PCMTD2: variants seen among roughly 807,000 people sequenced by gnomAD.
The protein encoded by PCMTD2 is protein-L-isoaspartate O-methyltransferase domain-containing protein 2.
Under a neutral mutation model 33.4 loss-of-function variants are expected in PCMTD2, and 16 were observed. That is an observed-to-expected ratio of 0.48 (90% CI 0.32 to 0.73). PCMTD2 has a LOEUF of 0.73. Ranked by LOEUF, PCMTD2 falls within the 30% of genes least tolerant of loss-of-function variation. The pLI, the probability that PCMTD2 is intolerant of heterozygous loss-of-function variation, is 0.03. For synonymous variants in PCMTD2, 161 were observed against 160.8 expected, an observed-to-expected ratio of 1.00 and a Z score of -0.01; for missense variants, 374 against 449.9, an observed-to-expected ratio of 0.83 and a Z score of 1.53.
Position 64,265,288 on chromosome 20 carries a change from T to A in PCMTD2, c.441T>A (p.Thr147=). ...KFDFCEPSFV[T]GNCLEISPDC... is the part of the protein sequence containing the mutation. ...ACTTCTGTGAACCTTCCTTTGTTAC[T>A]GGGAATTGCCTGGAGATTTCTCCGG... The change falls in exon 4 of 6, where the codon ACT becomes ACA. Residue 147 remains threonine, a synonymous_variant. Coordinates refer to ENST00000308824, the MANE Select transcript of PCMTD2 (RefSeq NM_018257.3). The A allele has an allele frequency of 6.2e-7, 1 of 1,604,386 alleles. No homozygotes were observed. The highest frequency in any genetic ancestry group is 8.5e-7 in the Non-Finnish European group (1 of 1,177,412).
At chr20:64,263,805 C>G (rs959507519) in intron 2 of PCMTD2, among the ~76,000 whole-genome samples, 4 of 152,146 alleles carry the variant, frequency 2.6e-5, no homozygotes, top group African/African-American at 9.7e-5. Flanking sequence ...CCGATTTTTA[C>G]CTTCATGTAA....
In PCMTD2 at chr20:64,273,523, T is replaced by C; in HGVS notation, c.1009T>C (p.Phe337Leu). Residue 337 changes from phenylalanine to leucine, a missense_variant, in exon 6 of 6, where the codon TTC becomes CTC. Transcript: ENST00000308824. The part of the protein sequence containing the change: ...PETKPDPPVN[F>L]LRQKVLSLPL... ...AACAAAGCCAGACCCCCCAGTGAAC[T>C]TCCTACGCCAGAAGGTCCTGAGCCT... 1 of 1,581,440 alleles carries C rather than the reference T, an allele frequency of 6.3e-7. No homozygotes were observed. Among genetic ancestry groups the C allele is most frequent in the South Asian group, 1.2e-5 (1 of 85,088 alleles).
Position 64,260,021 on chromosome 20 carries a change from A to G in PCMTD2, c.56A>G (p.Lys19Arg). The change falls in exon 2 of 6, where the codon AAA (lysine) becomes AGA (arginine). Residue 19 changes from lysine (K) to arginine (R), a missense_variant. Transcript: ENST00000308824. ...AATGATGAGCTGATAGATAATTTGAAAGAAGCACAGTATATCCGGACTGAG... is the reference window on the plus strand; with the variant it reads ...AATGATGAGCTGATAGATAATTTGAGAGAAGCACAGTATATCCGGACTGAG... Reference protein sequence around the residue: ...EDNDELIDNLKEAQYIRTELV... With the variant: ...EDNDELIDNLREAQYIRTELV... 1 of 1,613,218 alleles carries G rather than the reference A, an allele frequency of 6.2e-7. No homozygotes were observed. The highest frequency in any genetic ancestry group is 2.2e-5 in the East Asian group (1 of 44,892).
chr20:64,264,698 T>C (rs1380431385), intron 3 of PCMTD2, among the ~76,000 whole-genome samples, 167 bp downstream of exon 3: 2 of 152,262 alleles, frequency 1.3e-5, no homozygotes, highest in African/African-American at 2.4e-5. Context: ...TTGAGGGTTT[T>C]AGGGTATTTC....
In PCMTD2 at chr20:64,274,229, A is replaced by T. The variant is rs1176419357; in HGVS notation, c.*629A>T. 1 of 152,082 alleles carries T rather than the reference A, an allele frequency of 6.6e-6. No individual in the cohort carries two copies. The highest frequency in any genetic ancestry group is 6.5e-5 in the Admixed American group (1 of 15,286). The allele number at this position is 152,082 out of a possible 1,614,324, so 9.4% of individuals were successfully genotyped here. A position where few individuals can be genotyped will look rare whatever the true frequency, so the allele number is the denominator to read the frequency against. On this transcript the variant is annotated 3_prime_UTR_variant, in exon 6 of 6. Transcript: ENST00000308824. ...TGCCAGTTGTAATTTTTCAAAGGAAAAATTTTGATGGGGTGGAGGAATGAA... is the reference window on the plus strand; with the variant it reads ...TGCCAGTTGTAATTTTTCAAAGGAATAATTTTGATGGGGTGGAGGAATGAA...
At chr20:64,265,981 A>G (rs935932775) in intron 4 of PCMTD2, among the ~76,000 whole-genome samples, 6 of 152,242 alleles carry the variant, frequency 3.9e-5, no homozygotes, top group African/African-American at 9.6e-5. Context: ...GAACAGATTA[A>G]TCAGACATGA....
chr20:64,258,075 G>A (rs1985245412), intron 1 of PCMTD2, among the ~76,000 whole-genome samples: 1 of 152,248 alleles, frequency 6.6e-6, no homozygotes, highest in South Asian at 2.1e-4. Flanking sequence ...ACCTTCTAGA[G>A]ATGTGGCATT....
intron 5 of PCMTD2, 81 bp downstream of exon 5, chr20:64,268,091 A>G (rs752763435): frequency 2.2e-5 from 27 of 1,209,518 alleles, no homozygotes; most frequent in African/African-American, 1.2e-4. Context: ...AAAATTTACA[A>G]CAAACCTTTT....
intron 5 of PCMTD2, among the ~76,000 whole-genome samples, chr20:64,270,567 G>C (rs1373852168): frequency 6.6e-6 from 1 of 152,124 alleles, no homozygotes; most frequent in Admixed American, 6.5e-5. Flanking sequence ...GATCGTGTGA[G>C]TGAAGATATG....
chr20:64,273,706 AG>A lies in PCMTD2; in HGVS notation c.*109del. 1 of 937,022 alleles carries A rather than the reference AG, an allele frequency of 1.1e-6. No homozygotes were observed. The allele number at this position is 937,022 out of a possible 1,614,324, so 58.0% of individuals were successfully genotyped here. ...CACCTGGAGGCAGACGTTGTGGGGAAGGGAACTGCTGGGCTCATCCACACCA... is the reference window on the plus strand; with the variant it reads ...CACCTGGAGGCAGACGTTGTGGGGAAGGAACTGCTGGGCTCATCCACACCA... On this transcript the variant is annotated 3_prime_UTR_variant, in exon 6 of 6. Coordinates refer to ENST00000308824, the MANE Select transcript of PCMTD2 (RefSeq NM_018257.3).
In PCMTD2 at chr20:64,265,396, G is replaced by T; in HGVS notation, c.549G>T (p.Val183=). The change falls in exon 4 of 6, where the codon GTG becomes GTT. Residue 183 remains valine (V), a synonymous_variant. Coordinates refer to ENST00000308824, the MANE Select transcript of PCMTD2 (RefSeq NM_018257.3). ...AGTACATGAAGAATCTTCTCAAAGT[G>T]GGAGGGATCCTTGTCATGCCACTGG... ...HEEYMKNLLK[V]GGILVMPLEE... The T allele has an allele frequency of 6.2e-7, 1 of 1,613,060 alleles. No individual in the cohort carries two copies.
chr20:64,269,906 T>G (rs1234438727), intron 5 of PCMTD2, among the ~76,000 whole-genome samples: 1 of 127,296 alleles, frequency 7.9e-6, no homozygotes, highest in African/African-American at 3.1e-5. Context: ...CGGGCATGCA[T>G]GGTGTGTGGT....
chr20:64,272,819 C>T (rs1303721033), intron 5 of PCMTD2, among the ~76,000 whole-genome samples: 1 of 151,748 alleles, frequency 6.6e-6, no homozygotes, highest in Non-Finnish European at 1.5e-5. Flanking sequence ...GACTCTGTCT[C>T]CAAAAAAAGA....
chr20:64,265,715 C>T, intron 4 of PCMTD2: 1 of 323,560 alleles, frequency 3.1e-6, no homozygotes, highest in East Asian at 5.0e-5. Flanking sequence ...CTCCCTCTTC[C>T]TTCCCCTTCT....
At chr20:64,272,517 T>C (rs1395540928) in intron 5 of PCMTD2, among the ~76,000 whole-genome samples, 3 of 152,174 alleles carry the variant, frequency 2.0e-5, no homozygotes, top group Non-Finnish European at 4.4e-5. Flanking sequence ...ATGAAAATAT[T>C]AACAGATAAA....
rs945191510 is a variant in PCMTD2 at position 64,274,763 on chromosome 20, G to A, written c.*1163G>A. ...GATATCAGCCTTCTCTGGGCCTTGT[G>A]TGTGGAGAGCTTTCTATCTTACCAA... On this transcript the variant is annotated 3_prime_UTR_variant, in exon 6 of 6. Coordinates refer to ENST00000308824, the MANE Select transcript of PCMTD2 (RefSeq NM_018257.3). 6.6e-6 allele frequency: 1 copy of A among 152,248 alleles called. No individual in the cohort carries two copies. The allele number at this position is 152,248 out of a possible 1,614,324, so 9.4% of individuals were successfully genotyped here. A position where few individuals can be genotyped will look rare whatever the true frequency, so the allele number is the denominator to read the frequency against.
At chr20:64,266,281 A>G (rs6011376) in intron 4 of PCMTD2, among the ~76,000 whole-genome samples, 101,303 of 151,890 alleles carry the variant, frequency 0.67, 36,398 homozygotes, top group African/African-American at 0.92. Flanking sequence ...ATTTAGAGAC[A>G]GAGTCTCGCT....
intron 4 of PCMTD2, 70 bp from the exon 5 acceptor site, chr20:64,267,817 T>C: frequency 7.5e-7 from 1 of 1,332,272 alleles, no homozygotes; most frequent in South Asian, 1.2e-5. Context: ...ATAGTATGTA[T>C]AGGAATGATT....
At chr20:64,269,217 C>T (rs925958242) in intron 5 of PCMTD2, among the ~76,000 whole-genome samples, 19 of 152,206 alleles carry the variant, frequency 1.2e-4, no homozygotes, top group African/African-American at 3.9e-4. Flanking sequence ...CTGTCAAATG[C>T]GTGCTCTGAA....
Sources: gnomAD v4.1 joint callset for allele counts (sites outside exome capture counted in the v4.1 genomes callset) on GRCh38, gnomAD v4.1.1 for gene constraint, MANE v1.5 for transcripts, NCBI Gene and HGNC (gene_info 2026-07-23, HGNC 2026-07-21) for gene names.